ATP6V1C2: variants seen among roughly 807,000 people sequenced by gnomAD.
ATP6V1C2 encodes V-type proton ATPase subunit C 2.
ATP6V1C2 carries 45 observed loss-of-function variants against 56.8 expected under a neutral mutation model. The observed-to-expected ratio is 0.79, with a 90% CI of 0.62 to 1.02. ATP6V1C2 has a LOEUF of 1.02. ATP6V1C2 is among the 50% of genes least tolerant of loss of function. The probability of loss-of-function intolerance (pLI) is 0.00; values close to 1 mark genes in which losing one functional copy is unlikely to be tolerated. For synonymous variants in ATP6V1C2, 220 were observed against 201.3 expected (o/e 1.09, Z -0.79); for missense variants, 463 against 519.7 (o/e 0.89, Z 1.06).
chr2:10,775,135 C>A, intron 10 of ATP6V1C2, 64 bp downstream of exon 10: 2 of 1,234,136 alleles, frequency 1.6e-6, no homozygotes, highest in South Asian at 1.2e-5. Context: ...GAAGAGTCCT[C>A]CCAGGTCTCC....
chr2:10,764,277 A>C, intron 4 of ATP6V1C2, 54 bp from the exon 5 acceptor site: 1 of 1,470,980 alleles, frequency 6.8e-7, no homozygotes, highest in South Asian at 1.1e-5. Flanking sequence ...CGAAGTCTCA[A>C]TCATGGATGC....
chr2:10,772,437 T>G, intron 7 of ATP6V1C2, 105 bp from the exon 8 acceptor site: 1 of 962,270 alleles, frequency 1.0e-6, no homozygotes, highest in Non-Finnish European at 1.7e-6. Context: ...CCATCCCTGC[T>G]CACCTTCAGG....
Sources: allele counts gnomAD v4.1 joint callset, GRCh38; gene constraint gnomAD v4.1.1; transcripts MANE v1.5; gene names NCBI Gene and HGNC (gene_info 2026-07-23, HGNC 2026-07-21).